Variants in VSIR observed in about 807,000 individuals in gnomAD.
The protein encoded by VSIR is V-set immunoregulatory receptor.
A neutral mutation model predicts 31.0 loss-of-function variants in VSIR; 10 were observed. That is an observed-to-expected ratio of 0.32 (90% confidence interval 0.20 to 0.55). VSIR has a LOEUF of 0.55. VSIR is among the 20% of genes least tolerant of loss of function. The probability of loss-of-function intolerance (pLI) is 0.93; values close to 1 mark genes in which losing one functional copy is unlikely to be tolerated. For synonymous variants in VSIR, 179 were observed against 180.1 expected (o/e 0.99, Z 0.05); for missense variants, 356 against 416.2 (o/e 0.86, Z 1.26).
At chr10:71,753,353 G>A (rs1169263343) in intron 4 of VSIR, among the ~76,000 whole-genome samples, 6 of 152,224 alleles carry the variant, frequency 3.9e-5, no homozygotes, top group Admixed American at 2.6e-4. Flanking sequence ...TTTAAGTATC[G>A]AGCAAAGGTC....
chr10:71,764,194 G>A (rs950413137), intron 1 of VSIR, among the ~76,000 whole-genome samples: 10 of 152,212 alleles, frequency 6.6e-5, no homozygotes, highest in African/African-American at 2.4e-4. Flanking sequence ...CAGGATCTAG[G>A]CAGAACCGTA....
At chr10:71,755,537 C>G in intron 3 of VSIR, 71 bp from the exon 4 acceptor site, 1 of 1,431,780 alleles carries the variant, frequency 7.0e-7, no homozygotes, top group Non-Finnish European at 9.6e-7. Context: ...AACTGAGGCT[C>G]AGAGAGGGAA....
At chr10:71,752,786 C>T (rs931004484) in intron 5 of VSIR, among the ~76,000 whole-genome samples, 189 bp downstream of exon 5, 1 of 152,200 alleles carries the variant, frequency 6.6e-6, no homozygotes, top group Admixed American at 6.5e-5. Context: ...AATCAGAGCT[C>T]AGCCTGCTGA....
intron 1 of VSIR, among the ~76,000 whole-genome samples, chr10:71,771,527 C>A (rs1339604846): frequency 6.6e-6 from 1 of 152,220 alleles, no homozygotes; most frequent in Non-Finnish European, 1.5e-5. Context: ...TCTGCTATCT[C>A]CCTCAGTGCA....
chr10:71,767,749 C>T (rs756638199), intron 1 of VSIR, among the ~76,000 whole-genome samples: 3 of 152,238 alleles, frequency 2.0e-5, no homozygotes, highest in Non-Finnish European at 4.4e-5. Flanking sequence ...GGACAAAGGG[C>T]ATCTCAGATG....
intron 1 of VSIR, among the ~76,000 whole-genome samples, chr10:71,765,282 GGTA>G (rs1564783134): frequency 6.6e-6 from 1 of 152,222 alleles, no homozygotes; most frequent in African/African-American, 2.4e-5. Context: ...CTTCAGCTAC[GGTA>G]GTATTTACCA....
rs977513787 is a variant in VSIR at position 71,749,295 on chromosome 10, T to A, written c.*1958A>T. 2.6e-5 allele frequency: 4 copies of A among 152,328 alleles called. No individual in the cohort carries two copies. The highest frequency in any genetic ancestry group is 6.5e-5 in the Admixed American group (1 of 15,290). The allele number at this position is 152,328 out of a possible 1,614,324, so 9.4% of individuals were successfully genotyped here. A position where few individuals can be genotyped will look rare whatever the true frequency, so the allele number is the denominator to read the frequency against. ...TGAATTGTGAAAAACATACCCTCTT[T>A]CCTTCTTTCTTTCTTTTTAAAATTT... On this transcript the variant is annotated 3_prime_UTR_variant, in exon 7 of 7. Transcript: ENST00000394957.
intron 2 of VSIR, 85 bp from the exon 3 acceptor site, chr10:71,761,009 G>T: frequency 1.4e-6 from 2 of 1,391,540 alleles, no homozygotes; most frequent in South Asian, 1.2e-5. Flanking sequence ...TCCCCCTCCT[G>T]CCCCAGGTTC....
intron 1 of VSIR, among the ~76,000 whole-genome samples, chr10:71,769,149 G>A (rs572366359): frequency 1.3e-5 from 2 of 152,282 alleles, no homozygotes; most frequent in Admixed American, 1.3e-4. Context: ...TATAGAAGAG[G>A]TTATTCCCTT....
At chr10:71,767,178 C>T (rs148779178) in intron 1 of VSIR, among the ~76,000 whole-genome samples, 5 of 152,316 alleles carry the variant, frequency 3.3e-5, no homozygotes, top group African/African-American at 9.6e-5. Context: ...TCTCAGAATG[C>T]CAGTTTTTGT....
chr10:71,766,867 G>A (rs1840558688), intron 1 of VSIR, among the ~76,000 whole-genome samples: 1 of 152,204 alleles, frequency 6.6e-6, no homozygotes, highest in South Asian at 2.1e-4. Flanking sequence ...AGGCGGGGCT[G>A]ATGCCTCATC....
At position 71,761,881 on chromosome 10, in the gene VSIR, C is replaced by G. The variant is rs141749370; in HGVS notation, c.228G>C (p.Ser76=). 1.1e-5 allele frequency: 17 copies of G among 1,614,090 alleles called. No homozygotes were observed. Among genetic ancestry groups the G allele is most frequent in the Non-Finnish European group, 1.4e-5 (17 of 1,180,026 alleles). The change falls in exon 2 of 7, where the codon TCG becomes TCC. Residue 76 remains serine, a synonymous_variant. Coordinates refer to ENST00000394957, the MANE Select transcript of VSIR (RefSeq NM_022153.2). ...VTFYKTWYRS[S]RGEVQTCSER... ...CTGAGCAGGTCTGCACCTCGCCCCT[C>G]GAGCTGCGGTACCACGTCTTGTAGA...
chr10:71,770,490 G>A (rs1840661765), intron 1 of VSIR, among the ~76,000 whole-genome samples: 1 of 152,166 alleles, frequency 6.6e-6, no homozygotes, highest in South Asian at 2.1e-4. Flanking sequence ...GGCATGCTGG[G>A]ACTGCAGCTA....
At chr10:71,771,611 A>G (rs533595238) in intron 1 of VSIR, among the ~76,000 whole-genome samples, 2 of 152,328 alleles carry the variant, frequency 1.3e-5, no homozygotes, top group East Asian at 3.9e-4. Context: ...GAGGTCCCAG[A>G]GCAATTCAAA....
chr10:71,767,562 A>C (rs1840580701), intron 1 of VSIR, among the ~76,000 whole-genome samples: 1 of 152,192 alleles, frequency 6.6e-6, no homozygotes, highest in Admixed American at 6.5e-5. Context: ...GATGGTCCAC[A>C]GGCTGGGGCT....
At chr10:71,760,754 G>A (rs41305045) in intron 3 of VSIR, 114 bp downstream of exon 3, 194,148 of 929,078 alleles carry the variant, frequency 0.21, 22,362 homozygotes, top group Non-Finnish European at 0.24. Context: ...GAGGAGGACC[G>A]GGGGGTTCTG....
At chr10:71,759,048 T>G (rs1840221706) in intron 3 of VSIR, among the ~76,000 whole-genome samples, 1 of 150,454 alleles carries the variant, frequency 6.6e-6, no homozygotes, top group Non-Finnish European at 1.5e-5. Context: ...TTTGGGTTGT[T>G]TTTTTTTTGA....
chr10:71,772,833 A>C (rs1840717977), intron 1 of VSIR, among the ~76,000 whole-genome samples: 1 of 152,178 alleles, frequency 6.6e-6, no homozygotes, highest in African/African-American at 2.4e-5. Flanking sequence ...TGTGTCTGAA[A>C]GTGGACCCAC....
intron 3 of VSIR, among the ~76,000 whole-genome samples, chr10:71,759,640 C>G (rs559387231): frequency 6.6e-6 from 1 of 151,944 alleles, no homozygotes; most frequent in Admixed American, 6.6e-5. Context: ...AACCCCAGCT[C>G]CACTAAAAAT....
Sources: gnomAD v4.1 joint callset for allele counts (sites outside exome capture counted in the v4.1 genomes callset) on GRCh38, gnomAD v4.1.1 for gene constraint, MANE v1.5 for transcripts, NCBI Gene and HGNC (gene_info 2026-07-23, HGNC 2026-07-21) for gene names.